Variants in CEP57 observed in about 807,000 individuals in gnomAD.
The protein encoded by CEP57 is centrosomal protein of 57 kDa.
Under a neutral mutation model 68.0 loss-of-function variants are expected in CEP57, and 40 were observed. That is an observed-to-expected ratio of 0.59 (90% CI 0.46 to 0.77). CEP57 has a LOEUF of 0.77. Among genes scored for constraint, CEP57 ranks in the 30% least tolerant of loss-of-function variants. The pLI is 0.00. For missense variants in CEP57, 606 were observed against 580.7 expected (o/e 1.04, Z -0.45); for synonymous variants, 219 against 198.7 (o/e 1.10, Z -0.86).
At chr11:95,795,271 A>G (rs550424181) in intron 1 of CEP57, among the ~76,000 whole-genome samples, 12 of 152,292 alleles carry the variant, frequency 7.9e-5, no homozygotes, top group African/African-American at 2.9e-4. Flanking sequence ...CAGTACTTGT[A>G]TAATTTCATG....
intron 4 of CEP57, among the ~76,000 whole-genome samples, chr11:95,814,921 C>G (rs181921117): frequency 2.0e-5 from 3 of 152,094 alleles, no homozygotes; most frequent in Admixed American, 6.5e-5. Flanking sequence ...GTGGTATTTG[C>G]GTATAACCTA....
chr11:95,812,439 T>C (rs891480524), intron 2 of CEP57, among the ~76,000 whole-genome samples: 3 of 152,210 alleles, frequency 2.0e-5, no homozygotes, highest in African/African-American at 7.2e-5. Flanking sequence ...ATTATTATTT[T>C]TTGTGAGACA....
At chr11:95,821,216 T>A (rs1442559544) in intron 6 of CEP57, among the ~76,000 whole-genome samples, 1 of 152,152 alleles carries the variant, frequency 6.6e-6, no homozygotes, top group Non-Finnish European at 1.5e-5. Context: ...TGTTTTGTTT[T>A]GTTTTTTTAA....
chr11:95,824,361 C>T (rs182214801), intron 8 of CEP57, among the ~76,000 whole-genome samples: 137 of 152,150 alleles, frequency 9.0e-4, no homozygotes, highest in South Asian at 2.7e-3. Flanking sequence ...GAAAATGCAG[C>T]TTTTATGTGG....
intron 2 of CEP57, among the ~76,000 whole-genome samples, chr11:95,805,259 A>G (rs1237968991): frequency 2.6e-5 from 4 of 152,178 alleles, no homozygotes; most frequent in African/African-American, 7.2e-5. Flanking sequence ...TTATTTTTCT[A>G]TTGTACTTAT....
At chr11:95,822,463 A>T in intron 7 of CEP57, 36 bp from the exon 8 acceptor site, 1 of 1,514,892 alleles carries the variant, frequency 6.6e-7, no homozygotes, top group Non-Finnish European at 9.2e-7. Context: ...TATCATGTGA[A>T]TAAAATAAAA....
chr11:95,826,946 T>G (rs1211994287), intron 8 of CEP57: 2 of 152,338 alleles, frequency 1.3e-5, no homozygotes, highest in East Asian at 3.9e-4. Flanking sequence ...TATGTTTAGC[T>G]TAGCATGGTG....
intron 6 of CEP57, among the ~76,000 whole-genome samples, chr11:95,819,152 A>G (rs934935323): frequency 6.6e-5 from 10 of 152,116 alleles, no homozygotes; most frequent in African/African-American, 2.4e-4. Context: ...TAACAGACTA[A>G]AAAACATCAG....
chr11:95,822,481 C>G lies in CEP57; in HGVS notation c.808-18C>G. 6.3e-7 allele frequency: 1 copy of G among 1,589,084 alleles called. No individual in the cohort carries two copies. The highest frequency in any genetic ancestry group is 8.6e-7 in the Non-Finnish European group (1 of 1,157,792). On this transcript the variant is annotated intron_variant, in intron 7 of 10. Coordinates refer to ENST00000325542, the MANE Select transcript of CEP57 (RefSeq NM_014679.5). ...CATGTGAATAAAATAAAATTGTTTT[C>G]CTTTTCTTTTCATTCAGAAAAGTTC...
At chr11:95,791,712 G>C (rs1418049715) in intron 1 of CEP57, among the ~76,000 whole-genome samples, 4 of 152,210 alleles carry the variant, frequency 2.6e-5, no homozygotes, top group African/African-American at 7.2e-5. Flanking sequence ...AGGTTTCCTA[G>C]AAGGGAAGAT....
chr11:95,818,694 C>T (rs1325446774), intron 5 of CEP57, 133 bp from the exon 6 acceptor site: 2 of 687,174 alleles, frequency 2.9e-6, no homozygotes, highest in Non-Finnish European at 5.3e-6. Context: ...AGCTCACAGC[C>T]TCCATTACTA....
At chr11:95,810,304 C>T (rs888329214) in intron 2 of CEP57, among the ~76,000 whole-genome samples, 4 of 152,138 alleles carry the variant, frequency 2.6e-5, no homozygotes, top group East Asian at 1.9e-4. Flanking sequence ...ACAGGGATGC[C>T]GTCTCTCACC....
chr11:95,819,384 A>T (rs1160105388), intron 6 of CEP57, among the ~76,000 whole-genome samples: 1 of 152,156 alleles, frequency 6.6e-6, no homozygotes, highest in Admixed American at 6.5e-5. Flanking sequence ...ACTCTCTCCT[A>T]CTTTTGGATT....
At chr11:95,818,709 G>A in intron 5 of CEP57, 118 bp from the exon 6 acceptor site, 1 of 767,350 alleles carries the variant, frequency 1.3e-6, no homozygotes, top group South Asian at 1.5e-5. Flanking sequence ...TTACTACAGT[G>A]ATCTAACCAC....
chr11:95,804,181 A>C (rs1022386094), intron 2 of CEP57, among the ~76,000 whole-genome samples: 1 of 152,242 alleles, frequency 6.6e-6, no homozygotes, highest in African/African-American at 2.4e-5. Context: ...AATAGCTGAC[A>C]AAGGTGTTTA....
In CEP57 at chr11:95,822,513, C is replaced by A; in HGVS notation, c.822C>A (p.Asn274Lys). 1 of 1,613,106 alleles carries A rather than the reference C, an allele frequency of 6.2e-7. No individual in the cohort carries two copies. The highest frequency in any genetic ancestry group is 1.1e-5 in the South Asian group (1 of 91,068). Residue 274 changes from asparagine (N) to lysine (K), a missense_variant, in exon 8 of 11, where the codon AAC (asparagine) becomes AAA (lysine). Physicochemically the swap from Asn to Lys is moderately conservative, Grantham distance 94. Transcript: ENST00000325542. ...TTTTCATTCAGAAAAGTTCTAGGAA[C>A]TATTTTGGTGCACAACCACATTATA... The part of the protein sequence containing the change: ...SKPPEKKSSR[N>K]YFGAQPHYRL...
In CEP57 at chr11:95,831,470, GA is replaced by G; in HGVS notation, c.*217del. The G allele has an allele frequency of 2.2e-6, 1 of 461,300 alleles. No individual in the cohort carries two copies. The highest frequency in any genetic ancestry group is 3.9e-6 in the Non-Finnish European group (1 of 255,988). The allele number at this position is 461,300 out of a possible 1,614,324, so 28.6% of individuals were successfully genotyped here. A position where few individuals can be genotyped will look rare whatever the true frequency, so the allele number is the denominator to read the frequency against. Reference sequence around the variant, plus strand: ...AAACCAGGGGAGTTTTAAAGCCCGAGAAACCACACATAATCTTTTGTTGAGA... The same window carrying G: ...AAACCAGGGGAGTTTTAAAGCCCGAGAACCACACATAATCTTTTGTTGAGA... On this transcript the variant is annotated 3_prime_UTR_variant, in exon 11 of 11. Coordinates refer to ENST00000325542, the MANE Select transcript of CEP57 (RefSeq NM_014679.5).
chr11:95,809,280 A>G (rs1327764452), intron 2 of CEP57, among the ~76,000 whole-genome samples: 1 of 152,192 alleles, frequency 6.6e-6, no homozygotes, highest in Non-Finnish European at 1.5e-5. Flanking sequence ...CCCTAACATC[A>G]CAATTAAAAG....
In CEP57 at chr11:95,790,703, C is replaced by T. The variant is rs1860988901; in HGVS notation, c.5C>T (p.Ala2Val). ...ACCCCCTGGGCAGGCTGAAAGATGG[C>T]GGCGGCGTCTGTCTCTGCGGCTTCT... M[A>V]AASVSAASGS... The change falls in exon 1 of 11, where the codon GCG becomes GTG. Residue 2 changes from alanine (A) to valine (V), a missense_variant. Coordinates refer to ENST00000325542, the MANE Select transcript of CEP57 (RefSeq NM_014679.5). 2 of 1,613,850 alleles carry T rather than the reference C, an allele frequency of 1.2e-6. No individual in the cohort carries two copies. The highest frequency in any genetic ancestry group is 1.7e-6 in the Non-Finnish European group (2 of 1,179,882).
Sources: allele counts gnomAD v4.1 joint callset (sites outside exome capture counted in the v4.1 genomes callset), GRCh38; gene constraint gnomAD v4.1.1; transcripts MANE v1.5; gene names NCBI Gene and HGNC (gene_info 2026-07-23, HGNC 2026-07-21).